IQUB: variants seen among roughly 807,000 people sequenced by gnomAD.
The protein encoded by IQUB is IQ motif and ubiquitin domain containing.
Under a neutral mutation model 86.4 loss-of-function variants are expected in IQUB, and 86 were observed. That is an observed-to-expected ratio of 1.00 (90% confidence interval 0.84 to 1.19). IQUB has a LOEUF of 1.19. Ranked by LOEUF, IQUB falls within the 50% of genes most tolerant of loss-of-function variation. IQUB has a pLI of 0.00. For missense variants in IQUB, 946 were observed against 916.9 expected (o/e 1.03, Z -0.41); for synonymous variants, 289 against 304.5 (o/e 0.95, Z 0.53).
intron 1 of IQUB, among the ~76,000 whole-genome samples, chr7:123,530,398 T>C (rs1165946589): frequency 1.3e-5 from 2 of 151,882 alleles, no homozygotes; most frequent in African/African-American, 4.8e-5. Context: ...ATAGCGCCAC[T>C]GCACTCCAGC....
Position 123,461,442 on chromosome 7 carries a change from A to C in IQUB, c.1922T>G (p.Phe641Cys), listed in dbSNP as rs1359246752. ...LQNEAQKRES[F>C]LKYKCLLQQL... is the part of the protein sequence containing the mutation. The stretch of plus-strand genomic sequence containing the variant: ...TTGAAGTAAACATTTGTACTTCAAA[A>C]ATGATTCTCGTTTTTGAGCCTCATT... Residue 641 changes from phenylalanine (F) to cysteine (C), a missense_variant, in exon 11 of 13, where the codon TTT becomes TGT. Physicochemically the swap from Phe to Cys is radical, Grantham distance 205. Transcript: ENST00000324698. The C allele has an allele frequency of 6.2e-7, 1 of 1,612,302 alleles. No individual in the cohort carries two copies. The highest frequency in any genetic ancestry group is 2.2e-5 in the East Asian group (1 of 44,846).
chr7:123,507,950 T>G (rs965239215), intron 3 of IQUB, among the ~76,000 whole-genome samples: 1 of 152,176 alleles, frequency 6.6e-6, no homozygotes, highest in Non-Finnish European at 1.5e-5. Context: ...GTCTACATCC[T>G]AATCTCCCGG....
At chr7:123,488,318 G>C (rs1795301899) in intron 7 of IQUB, among the ~76,000 whole-genome samples, 1 of 148,154 alleles carries the variant, frequency 6.7e-6, no homozygotes, top group Non-Finnish European at 1.5e-5. Flanking sequence ...TCCAGCCTGG[G>C]TGACAGAGCA....
intron 7 of IQUB, among the ~76,000 whole-genome samples, chr7:123,490,966 G>GAA (rs201599464): frequency 4.6e-4 from 61 of 132,534 alleles, no homozygotes; most frequent in African/African-American, 7.3e-4. Flanking sequence ...CACCATCTTG[G>GAA]AAAAAAAAAA....
intron 6 of IQUB, among the ~76,000 whole-genome samples, chr7:123,500,011 G>A (rs1056023433): frequency 2.6e-5 from 4 of 152,134 alleles, no homozygotes; most frequent in African/African-American, 7.2e-5. Flanking sequence ...TCCCACCAGC[G>A]CCAAGACAGT....
At chr7:123,500,816 C>A (rs1207185793) in intron 6 of IQUB, among the ~76,000 whole-genome samples, 1 of 152,016 alleles carries the variant, frequency 6.6e-6, no homozygotes, top group Non-Finnish European at 1.5e-5. Context: ...TTTCCATCTG[C>A]TTTAAAACTT....
chr7:123,532,164 C>T (rs1797563216), intron 1 of IQUB, among the ~76,000 whole-genome samples: 1 of 152,146 alleles, frequency 6.6e-6, no homozygotes, highest in Non-Finnish European at 1.5e-5. Flanking sequence ...GGCCCGGATT[C>T]GGAGTTACAA....
intron 7 of IQUB, among the ~76,000 whole-genome samples, chr7:123,485,678 C>A (rs541594333): frequency 6.6e-6 from 1 of 152,062 alleles, no homozygotes; most frequent in South Asian, 2.1e-4. Flanking sequence ...TGAAACCTGA[C>A]CTTGTAATTT....
intron 7 of IQUB, among the ~76,000 whole-genome samples, chr7:123,480,227 C>T (rs1263497321): frequency 6.6e-6 from 1 of 152,106 alleles, no homozygotes; most frequent in Admixed American, 6.6e-5. Flanking sequence ...AGTGAGCATT[C>T]ATACTGCCTA....
chr7:123,464,755 A>C (rs1794166850), intron 10 of IQUB, 78 bp downstream of exon 10: 2 of 985,314 alleles, frequency 2.0e-6, no homozygotes, highest in African/African-American at 1.7e-5. Flanking sequence ...GTGTTAAAGC[A>C]AAATTTGAAT....
chr7:123,518,609 T>A (rs1425553366), intron 1 of IQUB, among the ~76,000 whole-genome samples: 6 of 152,116 alleles, frequency 3.9e-5, no homozygotes, highest in African/African-American at 1.2e-4. Flanking sequence ...ACTACAAACA[T>A]TTTTTGAGGT....
rs371496272 is a variant in IQUB at position 123,465,014 on chromosome 7, A to G, written c.1582-5T>C. ...AGTTAGTTTACATTCATGTTCCTAT[A>G]TAAAACACAAAAATATATGGTATAA... On this transcript the variant is annotated splice_region_variant and splice_polypyrimidine_tract_variant and intron_variant, in intron 9 of 12. Transcript: ENST00000324698. 1 of 1,530,558 alleles carries G rather than the reference A, an allele frequency of 6.5e-7. No homozygotes were observed. The highest frequency in any genetic ancestry group is 8.8e-7 in the Non-Finnish European group (1 of 1,131,518). 94.8% of individuals were successfully genotyped at this position (1,530,558 alleles called of 1,614,324 possible).
At chr7:123,467,123 A>G (rs919880508) in intron 9 of IQUB, among the ~76,000 whole-genome samples, 6 of 151,730 alleles carry the variant, frequency 4.0e-5, no homozygotes, top group African/African-American at 1.5e-4. Context: ...TAAATAAAAT[A>G]ATATAAATTA....
intron 10 of IQUB, chr7:123,462,950 T>C (rs1794070649): frequency 2.9e-5 from 11 of 376,398 alleles, no homozygotes; most frequent in South Asian, 1.8e-4. Context: ...TCCCAAAAAG[T>C]GGTTGTGGGG....
intron 7 of IQUB, among the ~76,000 whole-genome samples, chr7:123,495,486 T>G (rs905476912): frequency 1.3e-5 from 2 of 152,034 alleles, no homozygotes; most frequent in Non-Finnish European, 2.9e-5. Context: ...AAAAATAGTA[T>G]GTAATGAAAC....
At chr7:123,523,216 C>A (rs900099908) in intron 1 of IQUB, among the ~76,000 whole-genome samples, 2 of 141,752 alleles carry the variant, frequency 1.4e-5, no homozygotes, top group Non-Finnish European at 3.1e-5. Context: ...TGGAAATATA[C>A]CCAGTAATGG....
In IQUB at chr7:123,490,976, AAAAC is replaced by A. The variant is rs1325547297; in HGVS notation, c.1234+5716_1234+5719del. ...CAAAACACCATCTTGGAAAAAAAAA[AAAAC>A]AAACAAACCTCAAACCTCAAACCTC... On this transcript the variant is annotated intron_variant, in intron 7 of 12. Coordinates refer to ENST00000324698, the MANE Select transcript of IQUB (RefSeq NM_178827.5). Among the ~76,000 whole-genome samples the A allele has an allele frequency of 2.0e-5, 3 of 151,958 alleles. No individual in the cohort carries two copies. The East Asian group carries it at 5.8e-4, about 29-fold the overall frequency.
At chr7:123,481,782 C>A (rs1289395129) in intron 7 of IQUB, among the ~76,000 whole-genome samples, 4 of 151,922 alleles carry the variant, frequency 2.6e-5, no homozygotes, top group Non-Finnish European at 5.9e-5. Context: ...CATTTCAAAT[C>A]ACTGCAGAAG....
At chr7:123,464,762 G>T (rs1220111832) in intron 10 of IQUB, 71 bp downstream of exon 10, 2 of 1,045,256 alleles carry the variant, frequency 1.9e-6, no homozygotes, top group Non-Finnish European at 2.7e-6. Context: ...AGCAAAATTT[G>T]AATATACTTC....
Sources: allele counts gnomAD v4.1 joint callset (sites outside exome capture counted in the v4.1 genomes callset), GRCh38; gene constraint gnomAD v4.1.1; transcripts MANE v1.5; gene names NCBI Gene and HGNC (gene_info 2026-07-23, HGNC 2026-07-21).